The following CTNNA2 variants were observed in gnomAD, a reference collection of about 807,000 sequenced individuals.
CTNNA2 encodes the protein catenin alpha-2.
Under a neutral mutation model 101.0 loss-of-function variants are expected in CTNNA2, and 42 were observed. The ratio of observed to expected loss-of-function variants is 0.42; its 90% CI spans 0.32 to 0.54. The LOEUF (loss-of-function observed/expected upper bound fraction) is 0.54, where lower values mean the gene tolerates loss of function less well. Ranked by LOEUF, CTNNA2 falls within the 20% of genes least tolerant of loss-of-function variation. CTNNA2 has a pLI of 0.14. For missense variants in CTNNA2, 871 were observed against 1,223.1 expected (o/e 0.71, Z 4.29); for synonymous variants, 450 against 456.4 (o/e 0.99, Z 0.18).
intron 4 of CTNNA2, among the ~76,000 whole-genome samples, chr2:79,436,382 G>A (rs1032153070): frequency 6.6e-6 from 1 of 152,146 alleles, no homozygotes; most frequent in South Asian, 2.1e-4. Flanking sequence ...GCTGGCTATC[G>A]CTCACTTTGG....
At chr2:80,036,887 G>T (rs1263263260) in intron 7 of CTNNA2, among the ~76,000 whole-genome samples, 1 of 150,806 alleles carries the variant, frequency 6.6e-6, no homozygotes, top group African/African-American at 2.4e-5. Flanking sequence ...GAAGAGGAAG[G>T]AGGTGAAATC....
intron 7 of CTNNA2, among the ~76,000 whole-genome samples, chr2:80,276,140 GTGAT>G (rs1418185962): frequency 1.3e-5 from 2 of 152,162 alleles, no homozygotes; most frequent in Non-Finnish European, 2.9e-5. Flanking sequence ...TATTCAATAA[GTGAT>G]TGATTATTTG....
chr2:79,912,359 G>A (rs1208729000), intron 7 of CTNNA2, among the ~76,000 whole-genome samples: 1 of 152,208 alleles, frequency 6.6e-6, no homozygotes, highest in Non-Finnish European at 1.5e-5. Context: ...GGGTCTTCAT[G>A]GAGCATGGGC....
intron 1 of CTNNA2, among the ~76,000 whole-genome samples, chr2:79,647,775 C>T (rs1046320246): frequency 3.3e-5 from 5 of 152,180 alleles, no homozygotes; most frequent in Non-Finnish European, 5.9e-5. Context: ...CATACAACAG[C>T]AGGCATTTAC....
intron 7 of CTNNA2, among the ~76,000 whole-genome samples, chr2:80,012,035 G>A (rs1013790110): frequency 2.6e-5 from 4 of 152,152 alleles, no homozygotes; most frequent in African/African-American, 9.7e-5. Flanking sequence ...TGCTAGAGCA[G>A]ATGTACGTTT....
At chr2:79,594,483 A>G (rs1372173761) in intron 1 of CTNNA2, among the ~76,000 whole-genome samples, 1 of 152,322 alleles carries the variant, frequency 6.6e-6, no homozygotes, top group Admixed American at 6.5e-5. Context: ...ATGATTTAGT[A>G]TTTCTTAAAA....
At chr2:80,077,708 G>A (rs890829950) in intron 7 of CTNNA2, among the ~76,000 whole-genome samples, 1 of 151,950 alleles carries the variant, frequency 6.6e-6, no homozygotes, top group Admixed American at 6.6e-5. Flanking sequence ...AATATATACT[G>A]TATTATTTTA....
In CTNNA2 at chr2:79,321,000, C is replaced by G. The variant is rs538470460; in HGVS notation, c.-318+8204C>G. 1.6e-4 allele frequency among the ~76,000 whole-genome samples: 25 copies of G among 152,232 alleles called. No individual in the cohort carries two copies. In the South Asian group the frequency reaches 5.2e-3, roughly 32 times the overall value. ...ACTGATTCTAAAAGTATCCTAGGATCTTAGAGTATCTCAAGGTCATAATTG... is the reference window on the plus strand; with the variant it reads ...ACTGATTCTAAAAGTATCCTAGGATGTTAGAGTATCTCAAGGTCATAATTG... On this transcript the variant is annotated intron_variant, in intron 3 of 21. Coordinates refer to the CTNNA2 transcript ENST00000466387.
At chr2:79,636,211 A>G (rs1160540214) in intron 1 of CTNNA2, among the ~76,000 whole-genome samples, 2 of 138,658 alleles carry the variant, frequency 1.4e-5, no homozygotes, top group Admixed American at 1.6e-4. Flanking sequence ...TGGAGCTTGC[A>G]GTGAGCCGAG....
chr2:79,904,132 G>C (rs1685256841), intron 6 of CTNNA2, among the ~76,000 whole-genome samples: 1 of 152,110 alleles, frequency 6.6e-6, no homozygotes. Context: ...TCTCAGCTGA[G>C]GGATAAACTC....
At chr2:80,415,531 A>C (rs550363228) in intron 8 of CTNNA2, among the ~76,000 whole-genome samples, 1 of 152,278 alleles carries the variant, frequency 6.6e-6, no homozygotes, top group South Asian at 2.1e-4. Flanking sequence ...GCAAGTATGC[A>C]TATGTTTTCA....
intron 9 of CTNNA2, among the ~76,000 whole-genome samples, chr2:80,485,060 A>C (rs565850926): frequency 6.6e-6 from 1 of 152,278 alleles, no homozygotes. Context: ...AATCTTAAAA[A>C]TGCTTTACTC....
At chr2:79,769,203 TA>T (rs1246615375) in intron 3 of CTNNA2, among the ~76,000 whole-genome samples, 3 of 152,140 alleles carry the variant, frequency 2.0e-5, no homozygotes, top group Admixed American at 6.6e-5. Flanking sequence ...TTTTTCCCCT[TA>T]AAAAATGTCC....
chr2:79,354,500 C>T (rs916260675), intron 3 of CTNNA2, among the ~76,000 whole-genome samples: 2 of 152,062 alleles, frequency 1.3e-5, no homozygotes, highest in African/African-American at 2.4e-5. Context: ...TTATAGAATT[C>T]CTGTAGTGAA....
At chr2:80,167,142 G>T (rs940783177) in intron 7 of CTNNA2, among the ~76,000 whole-genome samples, 20 of 152,132 alleles carry the variant, frequency 1.3e-4, no homozygotes, top group African/African-American at 4.3e-4. Context: ...TGCCATTATT[G>T]TTAATGGCAA....
intron 3 of CTNNA2, among the ~76,000 whole-genome samples, chr2:79,335,595 C>T (rs760797629): frequency 6.6e-6 from 1 of 152,110 alleles, no homozygotes; most frequent in Non-Finnish European, 1.5e-5. Flanking sequence ...TAAAGAAGCA[C>T]CTGTAAGACA....
intron 7 of CTNNA2, among the ~76,000 whole-genome samples, chr2:80,031,386 G>A (rs146245983): frequency 6.6e-6 from 1 of 152,290 alleles, no homozygotes; most frequent in East Asian, 1.9e-4. Context: ...GGCTGGGGAG[G>A]CCTCCCAAAC....
chr2:80,408,503 A>C (rs149154698), intron 8 of CTNNA2, among the ~76,000 whole-genome samples: 1 of 152,322 alleles, frequency 6.6e-6, no homozygotes, highest in African/African-American at 2.4e-5. Context: ...TTTTTGGGGC[A>C]TATTACAAGC....
chr2:79,802,381 G>C (rs1380305843), intron 3 of CTNNA2, among the ~76,000 whole-genome samples: 2 of 152,182 alleles, frequency 1.3e-5, no homozygotes, highest in African/African-American at 4.8e-5. Flanking sequence ...AGAAAGTTCT[G>C]AAGTTGCCAA....
Sources: allele counts gnomAD v4.1 joint callset (sites outside exome capture counted in the v4.1 genomes callset), GRCh38; gene constraint gnomAD v4.1.1; transcripts MANE v1.5; gene names NCBI Gene and HGNC (gene_info 2026-07-23, HGNC 2026-07-21).